The following ASTN2 variants were observed in gnomAD, a reference collection of about 807,000 sequenced individuals.
ASTN2 encodes the protein astrotactin-2.
A neutral mutation model predicts 139.8 loss-of-function variants in ASTN2; 54 were observed. That is an observed-to-expected ratio of 0.39 (90% CI 0.31 to 0.48). The LOEUF is 0.48. Ranked by LOEUF, ASTN2 falls within the 20% of genes least tolerant of loss-of-function variation. The pLI, the probability that ASTN2 is intolerant of heterozygous loss-of-function variation, is 0.95. For synonymous variants in ASTN2, 756 were observed against 719.5 expected (o/e 1.05, Z -0.81); for missense variants, 1,565 against 1,725.1 (o/e 0.91, Z 1.64).
At chr9:117,025,355 C>T (rs1838034035) in intron 6 of ASTN2, among the ~76,000 whole-genome samples, 1 of 152,104 alleles carries the variant, frequency 6.6e-6, no homozygotes, top group Admixed American at 6.6e-5. Flanking sequence ...GTACTCATGC[C>T]CCCCCTTTTG....
intron 7 of ASTN2, among the ~76,000 whole-genome samples, chr9:116,999,548 C>CTTTTTTTTTTTTTTTTTTTTTTTTTTT (rs71379248): frequency 3.2e-5 from 3 of 94,920 alleles, no homozygotes; most frequent in Non-Finnish European, 5.8e-5. Flanking sequence ...TTCTCTCTTT[C>CTTTTTTTTTTTTTTTTTTTTTTTTTTT]TTTTTTTTTT....
chr9:116,460,268 T>C (rs1848446574), intron 20 of ASTN2, among the ~76,000 whole-genome samples: 1 of 152,108 alleles, frequency 6.6e-6, no homozygotes, highest in African/African-American at 2.4e-5. Context: ...TGGAAATGAC[T>C]GTTAATGGGT....
At chr9:116,932,938 G>T (rs557341021) in intron 10 of ASTN2, among the ~76,000 whole-genome samples, 1 of 150,300 alleles carries the variant, frequency 6.7e-6, no homozygotes, top group Non-Finnish European at 1.5e-5. Context: ...ACCAGGAGGT[G>T]GAGTTTTCAG....
In ASTN2 at chr9:117,141,226, G is replaced by A. The variant is rs1830067244; in HGVS notation, c.1168+100C>T. On this transcript the variant is annotated intron_variant, in intron 4 of 22. Coordinates refer to ENST00000313400, the MANE Select transcript of ASTN2 (RefSeq NM_001365068.1). ...GGAGAAAGTGGCACAAGTTTTATGA[G>A]CACAGGGAAGCAAGGGAAGAATGCA... 10 of 1,217,914 alleles carry A rather than the reference G, an allele frequency of 8.2e-6. No homozygotes were observed. In the South Asian group the frequency reaches 1.2e-4, roughly 15 times the overall value. The allele number at this position is 1,217,914 out of a possible 1,614,324, so 75.4% of individuals were successfully genotyped here.
intron 4 of ASTN2, among the ~76,000 whole-genome samples, chr9:117,139,832 G>A (rs1213727614): frequency 6.6e-6 from 1 of 152,180 alleles, no homozygotes; most frequent in Non-Finnish European, 1.5e-5. Flanking sequence ...AATCAACAAC[G>A]TCTTCATAGA....
At chr9:116,633,736 C>T (rs1329502136) in intron 17 of ASTN2, among the ~76,000 whole-genome samples, 1 of 152,154 alleles carries the variant, frequency 6.6e-6, no homozygotes, top group Non-Finnish European at 1.5e-5. Context: ...GAGGAAGCCT[C>T]TCCTGCTGGT....
intron 1 of ASTN2, among the ~76,000 whole-genome samples, chr9:117,399,003 G>C (rs1296014952): frequency 6.6e-6 from 1 of 152,132 alleles, no homozygotes; most frequent in East Asian, 1.9e-4. Context: ...GGATGGTCTT[G>C]ATCTCCTGAA....
intron 13 of ASTN2, among the ~76,000 whole-genome samples, chr9:116,778,305 CA>C (rs1348991852): frequency 6.6e-6 from 1 of 151,430 alleles, no homozygotes; most frequent in African/African-American, 2.4e-5. Context: ...GACATTATAC[CA>C]AAAAAAATGA....
At chr9:117,063,469 C>T (rs1233778909) in intron 5 of ASTN2, among the ~76,000 whole-genome samples, 1 of 152,200 alleles carries the variant, frequency 6.6e-6, no homozygotes, top group Non-Finnish European at 1.5e-5. Flanking sequence ...TCGCTTGGCT[C>T]TCATTCTCTC....
rs1057462209 is a variant in ASTN2, at chr9:117,414,945, A to G, written c.-7T>C. 1 of 306,982 alleles carries G rather than the reference A, an allele frequency of 3.3e-6. No homozygotes were observed. The highest frequency in any genetic ancestry group is 5.1e-6 in the Non-Finnish European group (1 of 196,286). The allele number at this position is 306,982 out of a possible 1,614,324, so 19.0% of individuals were successfully genotyped here. ...GGGCGCCGGCGGCGGCCATGGCGGG[A>G]GGGGCTGCGGTGCTGCGGGCGGCGG... On this transcript the variant is annotated 5_prime_UTR_variant, in exon 1 of 23. Transcript: ENST00000313400. This position sits in a 1 kb window ranked among gnomAD's most constrained non-coding sequence, Gnocchi z 4.2.
intron 1 of ASTN2, among the ~76,000 whole-genome samples, chr9:117,371,101 C>T (rs371404400): frequency 6.6e-5 from 10 of 152,174 alleles, no homozygotes; most frequent in African/African-American, 2.4e-4. Flanking sequence ...ATACCCAAAA[C>T]AATCCCAACA....
intron 17 of ASTN2, among the ~76,000 whole-genome samples, chr9:116,634,870 AT>A (rs369643946): frequency 5.9e-5 from 9 of 151,822 alleles, no homozygotes; most frequent in East Asian, 1.9e-4. Flanking sequence ...GACAATTACT[AT>A]TTTTTTTATG....
Position 116,976,159 on chromosome 9 carries a change from C to G in ASTN2, c.1706G>C (p.Gly569Ala). 1.2e-6 allele frequency: 2 copies of G among 1,614,152 alleles called. No individual in the cohort carries two copies. The highest frequency in any genetic ancestry group is 1.7e-6 in the Non-Finnish European group (2 of 1,180,018). The part of the protein sequence containing the change: ...GPWPYTTLER[G>A]YDLVTGEQAP... ...TTGCTCCCCTGTCACCAGATCATAG[C>G]CCCTCTCAAGTGTCGTGTAGGGCCA... Residue 569 changes from glycine to alanine, a missense_variant, in exon 9 of 23, where the codon GGC becomes GCC. Transcript: ENST00000313400.
intron 10 of ASTN2, among the ~76,000 whole-genome samples, chr9:116,866,633 G>A (rs1021271540): frequency 5.3e-5 from 8 of 152,182 alleles, no homozygotes; most frequent in Non-Finnish European, 1.0e-4. Flanking sequence ...CAGGCTGGGC[G>A]TGGTGGCTCA....
chr9:117,012,748 C>T (rs1837570940), intron 6 of ASTN2, among the ~76,000 whole-genome samples: 1 of 152,176 alleles, frequency 6.6e-6, no homozygotes, highest in Non-Finnish European at 1.5e-5. Flanking sequence ...AGTAAGTGGC[C>T]ACCTGTGTGG....
At chr9:116,648,773 C>G (rs187788820) in intron 17 of ASTN2, among the ~76,000 whole-genome samples, 5 of 152,336 alleles carry the variant, frequency 3.3e-5, no homozygotes, top group African/African-American at 1.2e-4. Flanking sequence ...GTGGCTTACA[C>G]CTGTAATTCC....
intron 19 of ASTN2, among the ~76,000 whole-genome samples, chr9:116,573,135 T>C (rs770210902): frequency 1.3e-5 from 2 of 152,206 alleles, no homozygotes; most frequent in African/African-American, 2.4e-5. Flanking sequence ...TCCTGCGTTA[T>C]AGAAGAAACA....
chr9:116,649,075 T>C lies in ASTN2; in HGVS notation c.3072+2453A>G, dbSNP rs143804818. On this transcript the variant is annotated intron_variant, in intron 17 of 22. Coordinates refer to ENST00000313400, the MANE Select transcript of ASTN2 (RefSeq NM_001365068.1). ...AAACACCAGCTAGGAACTTGAGTAC[T>C]TACATGTAACATATGCTTCCTTATG... Among the ~76,000 whole-genome samples the C allele has an allele frequency of 5.9e-5, 9 of 152,200 alleles. No individual in the cohort carries two copies. The East Asian group carries it at 1.7e-3, about 29-fold the overall frequency.
At chr9:117,175,789 C>A (rs1261711002) in intron 3 of ASTN2, among the ~76,000 whole-genome samples, 1 of 151,926 alleles carries the variant, frequency 6.6e-6, no homozygotes, top group African/African-American at 2.4e-5. Context: ...AGGTGCATAA[C>A]TAAGACACTA....
Sources: allele counts gnomAD v4.1 joint callset (sites outside exome capture counted in the v4.1 genomes callset), GRCh38; gene constraint gnomAD v4.1.1; non-coding constraint Gnocchi (gnomAD v3.1); transcripts MANE v1.5; gene names NCBI Gene and HGNC (gene_info 2026-07-23, HGNC 2026-07-21).